RNLS: variants seen among roughly 807,000 people sequenced by gnomAD.
RNLS encodes renalase, FAD dependent amine oxidase, also known as renalase.
A neutral mutation model predicts 39.8 loss-of-function variants in RNLS; 39 were observed. The ratio of observed to expected loss-of-function variants is 0.98; its 90% CI spans 0.76 to 1.28. RNLS has a LOEUF of 1.28. Among genes scored for constraint, RNLS ranks in the 50% most tolerant of loss-of-function variants. RNLS has a pLI of 0.00. For synonymous variants in RNLS, 147 were observed against 150.7 expected (o/e 0.98, Z 0.18); for missense variants, 410 against 413.3 (o/e 0.99, Z 0.07).
At chr10:88,473,652 T>C (rs967415572) in intron 4 of RNLS, among the ~76,000 whole-genome samples, 1 of 152,172 alleles carries the variant, frequency 6.6e-6, no homozygotes, top group African/African-American at 2.4e-5. Flanking sequence ...AAGAAGCACA[T>C]TAAGAAGACG....
At chr10:88,445,412 G>A (rs931695592) in intron 4 of RNLS, among the ~76,000 whole-genome samples, 4 of 151,974 alleles carry the variant, frequency 2.6e-5, no homozygotes, top group African/African-American at 4.8e-5. Flanking sequence ...TGCAAGTAAC[G>A]AGCAAAATAA....
At chr10:88,441,318 C>G (rs760112252) in intron 4 of RNLS, among the ~76,000 whole-genome samples, 2 of 152,158 alleles carry the variant, frequency 1.3e-5, no homozygotes, top group African/African-American at 2.4e-5. Context: ...CCCTTCCTTC[C>G]CACCTACGTA....
intron 4 of RNLS, among the ~76,000 whole-genome samples, chr10:88,520,868 T>C (rs912242131): frequency 5.9e-5 from 9 of 152,004 alleles, no homozygotes; most frequent in Admixed American, 2.0e-4. Context: ...TCACTTTTTT[T>C]CCCCTTCTAT....
chr10:88,262,566 GTA>G, the RNLS span, among the ~76,000 whole-genome samples: 1 of 152,088 alleles, frequency 6.6e-6, no homozygotes, highest in Non-Finnish European at 1.5e-5. Flanking sequence ...TTCAGGGGTA[GTA>G]TATCTTTCTG....
chr10:88,274,284 C>T (rs1282942148), exon 7 of RNLS: 2 of 152,302 alleles, frequency 1.3e-5, no homozygotes, highest in Non-Finnish European at 2.9e-5. Context: ...CCATAACCAT[C>T]ATCCATCTCC....
the RNLS span, among the ~76,000 whole-genome samples, chr10:88,220,073 G>A: frequency 1.3e-5 from 2 of 152,134 alleles, no homozygotes; most frequent in East Asian, 1.9e-4. Context: ...GGTGGACAGG[G>A]CATTCTGACT....
chr10:88,323,466 T>C (rs931248650), intron 5 of RNLS, among the ~76,000 whole-genome samples: 9 of 152,064 alleles, frequency 5.9e-5, no homozygotes, highest in Non-Finnish European at 1.2e-4. Flanking sequence ...TACAACTAAC[T>C]GATATTGACA....
chr10:88,339,854 T>C (rs1160830492), intron 5 of RNLS, among the ~76,000 whole-genome samples: 2 of 152,236 alleles, frequency 1.3e-5, no homozygotes, highest in Non-Finnish European at 2.9e-5. Context: ...ATGTATGTAC[T>C]GACACAGCAA....
At chr10:88,287,122 G>C (rs723947) in intron 6 of RNLS, among the ~76,000 whole-genome samples, 130,564 of 152,104 alleles carry the variant, frequency 0.86, 56,246 homozygotes, top group South Asian at 0.9. Context: ...AGCAGAAAAA[G>C]TTTGCCATAG....
chr10:88,393,888 G>A (rs989774996), intron 4 of RNLS, among the ~76,000 whole-genome samples: 9 of 152,132 alleles, frequency 5.9e-5, no homozygotes, highest in South Asian at 2.1e-4. Context: ...AAATAATGCC[G>A]TATATCTACA....
intron 4 of RNLS, among the ~76,000 whole-genome samples, chr10:88,548,219 GCCATTGCACT>G (rs1848418405): frequency 9.7e-6 from 1 of 102,592 alleles, no homozygotes; most frequent in South Asian, 3.5e-4. Context: ...CCGAGATCAC[GCCATTGCACT>G]CCAGCCTGGG....
chr10:88,372,508 CGGA>C lies in RNLS; in HGVS notation c.527-9786_527-9784del, dbSNP rs552053686. Among the ~76,000 whole-genome samples, 15 of 152,154 alleles carry C rather than the reference CGGA, an allele frequency of 9.9e-5. 1 individual carries two copies. In the East Asian group the frequency reaches 2.9e-3, roughly 29 times the overall value. On this transcript the variant is annotated intron_variant, in intron 4 of 6. Transcript: ENST00000331772. ...CAAACTACCCACTCTTCTCTTTATC[CGGA>C]GGTCCTGTGAAACCGAAATGACATT... is the stretch of plus-strand genomic sequence containing the variant.
intron 4 of RNLS, among the ~76,000 whole-genome samples, chr10:88,518,240 C>T (rs1361351044): frequency 6.6e-6 from 1 of 151,818 alleles, no homozygotes; most frequent in African/African-American, 2.4e-5. Flanking sequence ...CATATTTACC[C>T]ATAACAGTAA....
chr10:88,496,394 G>T (rs1845178357), intron 4 of RNLS, among the ~76,000 whole-genome samples: 1 of 152,104 alleles, frequency 6.6e-6, no homozygotes, highest in Admixed American at 6.6e-5. Flanking sequence ...CACGCTTCAG[G>T]AATGCCATAG....
chr10:88,284,051 A>G (rs1462553196), downstream of RNLS: 3 of 769,694 alleles, frequency 3.9e-6, no homozygotes, highest in South Asian at 1.2e-4. Context: ...AGAGACTACA[A>G]ATTTCCTTCT....
At chr10:88,247,452 A>T in the RNLS span, among the ~76,000 whole-genome samples, 12 of 152,228 alleles carry the variant, frequency 7.9e-5, no homozygotes, top group African/African-American at 2.9e-4. Flanking sequence ...GCAGAGCTGG[A>T]CAGGCCTGGC....
intron 4 of RNLS, among the ~76,000 whole-genome samples, chr10:88,419,604 T>G (rs570860329): frequency 6.6e-6 from 1 of 152,228 alleles, no homozygotes; most frequent in African/African-American, 2.4e-5. Flanking sequence ...AAAAAACTAT[T>G]AAACTATTCA....
the RNLS span, among the ~76,000 whole-genome samples, chr10:88,243,845 A>G: frequency 6.6e-5 from 10 of 151,978 alleles, no homozygotes; most frequent in African/African-American, 2.2e-4. Flanking sequence ...TTCTCCTATC[A>G]CCCTTGGCAG....
At chr10:88,225,175 A>G in the RNLS span, among the ~76,000 whole-genome samples, 1 of 152,258 alleles carries the variant, frequency 6.6e-6, no homozygotes, top group South Asian at 2.1e-4. Flanking sequence ...GCCTCCTACT[A>G]TCTCAGTGAT....
Sources: gnomAD v4.1 joint callset for allele counts (sites outside exome capture counted in the v4.1 genomes callset) on GRCh38, gnomAD v4.1.1 for gene constraint, MANE v1.5 for transcripts, NCBI Gene and HGNC (gene_info 2026-07-23, HGNC 2026-07-21) for gene names.